HAPLN1: variants seen among roughly 807,000 people sequenced by gnomAD.
The protein encoded by HAPLN1 is hyaluronan and proteoglycan link protein 1, also known as Cartilage link protein.
A neutral mutation model predicts 36.5 loss-of-function variants in HAPLN1; 13 were observed. The observed-to-expected ratio is 0.36, with a 90% CI of 0.23 to 0.57. The LOEUF is 0.57. Ranked by LOEUF, HAPLN1 falls within the 20% of genes least tolerant of loss-of-function variation. The probability of loss-of-function intolerance (pLI) is 0.83; values close to 1 mark genes in which losing one functional copy is unlikely to be tolerated. For synonymous variants in HAPLN1, 202 were observed against 169.8 expected, an observed-to-expected ratio of 1.19 and a Z score of -1.48; for missense variants, 407 against 439.7, an observed-to-expected ratio of 0.93 and a Z score of 0.66.
chr5:83,677,764 G>C (rs1236427068), intron 1 of HAPLN1, among the ~76,000 whole-genome samples: 1 of 152,124 alleles, frequency 6.6e-6, no homozygotes, highest in Non-Finnish European at 1.5e-5. Flanking sequence ...CAAACACTAA[G>C]GTATTGTTAT....
chr5:83,643,900 A>G (rs1484811320), intron 4 of HAPLN1, among the ~76,000 whole-genome samples: 1 of 152,040 alleles, frequency 6.6e-6, no homozygotes, highest in Non-Finnish European at 1.5e-5. Context: ...AGTTAGTTCT[A>G]TTTTCTTTTT....
chr5:83,706,489 A>T (rs1245910322), intron 1 of HAPLN1, among the ~76,000 whole-genome samples: 2 of 152,250 alleles, frequency 1.3e-5, no homozygotes, highest in African/African-American at 4.8e-5. Context: ...CCACATGATT[A>T]TCTCAATAGA....
At chr5:83,645,475 C>CTTTCTTTTTTTTTT (rs1428903218) in intron 3 of HAPLN1, among the ~76,000 whole-genome samples, 1 of 74,370 alleles carries the variant, frequency 1.3e-5, no homozygotes, top group Non-Finnish European at 2.5e-5. Flanking sequence ...CTTTTTCTTT[C>CTTTCTTTTTTTTTT]TTTTTTTTTT....
chr5:83,671,714 A>T (rs926621580), intron 2 of HAPLN1, among the ~76,000 whole-genome samples: 6 of 152,218 alleles, frequency 3.9e-5, no homozygotes, highest in African/African-American at 1.2e-4. Context: ...TAACATCATA[A>T]TCCTATGACC....
At chr5:83,689,355 C>T (rs1751215622) in intron 1 of HAPLN1, among the ~76,000 whole-genome samples, 1 of 152,048 alleles carries the variant, frequency 6.6e-6, no homozygotes, top group Non-Finnish European at 1.5e-5. Flanking sequence ...TGAACATTTG[C>T]ATAATGAAGA....
At chr5:83,675,830 A>G (rs971617198) in intron 1 of HAPLN1, among the ~76,000 whole-genome samples, 1 of 152,202 alleles carries the variant, frequency 6.6e-6, no homozygotes, top group East Asian at 1.9e-4. Flanking sequence ...ATAATGTGAG[A>G]CAAATATTTC....
intron 3 of HAPLN1, among the ~76,000 whole-genome samples, chr5:83,649,227 T>C (rs1334377098): frequency 2.0e-5 from 3 of 152,194 alleles, no homozygotes; most frequent in East Asian, 3.9e-4. Context: ...TGTTTGAAAT[T>C]AGCGACAATG....
chr5:83,650,892 C>CTT (rs1750041328), intron 3 of HAPLN1, among the ~76,000 whole-genome samples: 2 of 152,044 alleles, frequency 1.3e-5, no homozygotes, highest in South Asian at 2.1e-4. Flanking sequence ...AAATTATTTT[C>CTT]TTAGTCCCCT....
At chr5:83,698,971 A>G (rs1751449727) in intron 1 of HAPLN1, among the ~76,000 whole-genome samples, 1 of 152,234 alleles carries the variant, frequency 6.6e-6, no homozygotes, top group African/African-American at 2.4e-5. Context: ...TAGAAGTATA[A>G]TATTTTTAGC....
At chr5:83,671,656 A>C (rs1410443974) in intron 2 of HAPLN1, among the ~76,000 whole-genome samples, 2 of 152,342 alleles carry the variant, frequency 1.3e-5, no homozygotes, top group East Asian at 3.9e-4. Flanking sequence ...TATCACAAAA[A>C]AATTGTTGGG....
At chr5:83,708,168 G>A (rs1751693301) in intron 1 of HAPLN1, among the ~76,000 whole-genome samples, 1 of 152,194 alleles carries the variant, frequency 6.6e-6, no homozygotes, top group Admixed American at 6.5e-5. Flanking sequence ...TCCTCAGAGA[G>A]CTAAAGCAGA....
chr5:83,649,907 C>A (rs1182468761), intron 3 of HAPLN1, among the ~76,000 whole-genome samples: 1 of 152,180 alleles, frequency 6.6e-6, no homozygotes, highest in African/African-American at 2.4e-5. Flanking sequence ...TCAAGTAGAT[C>A]ATGTTTAACA....
chr5:83,661,673 G>C (rs1385564739), intron 2 of HAPLN1, among the ~76,000 whole-genome samples: 1 of 151,998 alleles, frequency 6.6e-6, no homozygotes, highest in African/African-American at 2.4e-5. Context: ...CTCGATCCCT[G>C]ACCTCGTGAT....
chr5:83,645,111 G>C (rs888378087), intron 3 of HAPLN1, among the ~76,000 whole-genome samples: 1 of 139,964 alleles, frequency 7.1e-6, no homozygotes, highest in Admixed American at 7.5e-5. Context: ...TGAATACTAA[G>C]AGCGGAGGGG....
At chr5:83,668,030 A>G (rs1403941410) in intron 2 of HAPLN1, among the ~76,000 whole-genome samples, 1 of 152,188 alleles carries the variant, frequency 6.6e-6, no homozygotes, top group East Asian at 1.9e-4. Context: ...GGGATTTGGA[A>G]AGGCTGAACC....
intron 1 of HAPLN1, among the ~76,000 whole-genome samples, chr5:83,710,911 A>G (rs1048269321): frequency 5.3e-5 from 8 of 152,146 alleles, no homozygotes; most frequent in African/African-American, 1.4e-4. Flanking sequence ...TGATCACGCC[A>G]TGGCACTCCA....
At chr5:83,669,316 T>C (rs1313083141) in intron 2 of HAPLN1, among the ~76,000 whole-genome samples, 1 of 152,020 alleles carries the variant, frequency 6.6e-6, no homozygotes, top group Non-Finnish European at 1.5e-5. Flanking sequence ...CTGGCCAACA[T>C]TGCAAAACCC....
intron 4 of HAPLN1, among the ~76,000 whole-genome samples, chr5:83,643,640 T>TG (rs1411840273): frequency 3.9e-5 from 6 of 152,118 alleles, no homozygotes; most frequent in Non-Finnish European, 7.3e-5. Flanking sequence ...CTTTTAGAGA[T>TG]GGGGTCTCAC....
chr5:83,641,910 G>A (rs145750890), intron 4 of HAPLN1, 125 bp from the exon 5 acceptor site: 10,443 of 1,019,768 alleles, frequency 0.01, 74 homozygotes, highest in Non-Finnish European at 0.012. Context: ...GTAAAATTTT[G>A]GGAACATAGA....
Sources: gnomAD v4.1 joint callset for allele counts (sites outside exome capture counted in the v4.1 genomes callset) on GRCh38, gnomAD v4.1.1 for gene constraint, MANE v1.5 for transcripts, NCBI Gene and HGNC (gene_info 2026-07-23, HGNC 2026-07-21) for gene names.